GBGT1: variants seen among roughly 807,000 people sequenced by gnomAD.
GBGT1 encodes the protein globoside alpha-1,3-N-acetylgalactosaminyltransferase 1 (FORS blood group), also known as globoside alpha-1,3-N-acetylgalactosaminyltransferase 1.
A neutral mutation model predicts 20.9 loss-of-function variants in GBGT1; 18 were observed. The observed-to-expected ratio is 0.86, with a 90% CI of 0.60 to 1.28. The LOEUF (loss-of-function observed/expected upper bound fraction) is 1.28, where lower values mean the gene tolerates loss of function less well. Ranked by LOEUF, GBGT1 falls within the 50% of genes most tolerant of loss-of-function variation. GBGT1 has a pLI of 0.00. For synonymous variants in GBGT1, 168 were observed against 180.8 expected (o/e 0.93, Z 0.57); for missense variants, 432 against 455.7 (o/e 0.95, Z 0.47).
chr9:133,155,625 G>A (rs560599170), intron 5 of GBGT1, among the ~76,000 whole-genome samples: 25 of 152,200 alleles, frequency 1.6e-4, no homozygotes, highest in Non-Finnish European at 2.8e-4. Flanking sequence ...GTGCAAGCAC[G>A]GTGCAGATGT....
At position 133,154,465 on chromosome 9, in the gene GBGT1, TAG is replaced by T; in HGVS notation, c.360-206_360-205del. ...ACGGCTGTTGTAAGCATGTTCCTGG[TAG>T]AGATTCTTATGCTCCTAGGCCAGGT... On this transcript the variant is annotated intron_variant, in intron 6 of 6. Coordinates refer to ENST00000372040, the MANE Select transcript of GBGT1 (RefSeq NM_021996.6). The surrounding 1 kb of genome is among the most constrained non-coding windows in gnomAD (Gnocchi z 4.2). 2.3e-6 allele frequency: 1 copy of T among 438,932 alleles called. No individual in the cohort carries two copies. Among genetic ancestry groups the T allele is most frequent in the Non-Finnish European group, 4.0e-6 (1 of 248,440 alleles). The allele number at this position is 438,932 out of a possible 1,614,324, so 27.2% of individuals were successfully genotyped here.
At chr9:133,160,709 G>A (rs1258272751) in intron 3 of GBGT1, among the ~76,000 whole-genome samples, 1 of 152,100 alleles carries the variant, frequency 6.6e-6, no homozygotes, top group African/African-American at 2.4e-5. Flanking sequence ...TCCCTGGGTG[G>A]AATAAGATGA....
intron 3 of GBGT1, 151 bp from the exon 4 acceptor site, chr9:133,156,216 C>T: frequency 1.3e-6 from 1 of 783,282 alleles, no homozygotes; most frequent in South Asian, 1.6e-5. Context: ...CCACCCGACT[C>T]TACAGAGGAG....
rs891335117 is a variant in GBGT1, at chr9:133,154,874, G to C, written c.359+304C>G. ...GAAGGCCAGGTGGGGTCATGGGAGA[G>C]ACAAGGGCAGAGGAGGGGTCTAGAT... On this transcript the variant is annotated intron_variant, in intron 6 of 6. Coordinates refer to ENST00000372040, the MANE Select transcript of GBGT1 (RefSeq NM_021996.6). This position sits in a 1 kb window ranked among gnomAD's most constrained non-coding sequence, Gnocchi z 4.2. 9.4e-6 allele frequency: 3 copies of C among 318,432 alleles called. No individual in the cohort carries two copies. The highest frequency in any genetic ancestry group is 4.4e-5 in the Admixed American group (1 of 22,486). The allele number at this position is 318,432 out of a possible 1,614,324, so 19.7% of individuals were successfully genotyped here.
chr9:133,158,733 C>T (rs890516479), intron 3 of GBGT1, among the ~76,000 whole-genome samples: 9 of 152,156 alleles, frequency 5.9e-5, no homozygotes, highest in Admixed American at 4.6e-4. Context: ...AATTCAGTGG[C>T]ATTAGGTACA....
chr9:133,153,533 GCAGGT>G lies in GBGT1; in HGVS notation c.*39_*43del, dbSNP rs1564260662. The G allele has an allele frequency of 7.2e-7, 1 of 1,382,210 alleles. No individual in the cohort carries two copies. Among genetic ancestry groups the G allele is most frequent in the Admixed American group, 2.3e-5 (1 of 44,330 alleles). The allele number at this position is 1,382,210 out of a possible 1,614,324, so 85.6% of individuals were successfully genotyped here. On this transcript the variant is annotated 3_prime_UTR_variant, in exon 7 of 7. Coordinates refer to ENST00000372040, the MANE Select transcript of GBGT1 (RefSeq NM_021996.6). ...GCACGCTAGTGAAGCACTGGTGGCTGCAGGTCTTTGGGTCCCCATCCATGGCAACC... is the reference window on the plus strand; with the variant it reads ...GCACGCTAGTGAAGCACTGGTGGCTGCTTTGGGTCCCCATCCATGGCAACC...
At chr9:133,155,476 C>T in intron 5 of GBGT1, 164 bp from the exon 6 acceptor site, 2 of 762,216 alleles carry the variant, frequency 2.6e-6, no homozygotes, top group Non-Finnish European at 4.2e-6. Flanking sequence ...CACCTCCCAG[C>T]AGGGTTGGGA....
At position 133,152,991 on chromosome 9, in the gene GBGT1, C is replaced by G. The variant is rs951911014; in HGVS notation, c.*586G>C. On this transcript the variant is annotated 3_prime_UTR_variant, in exon 7 of 7. Coordinates refer to ENST00000372040, the MANE Select transcript of GBGT1 (RefSeq NM_021996.6). The stretch of plus-strand genomic sequence containing the variant: ...CCCTTTATTATAAACTGCCCCAAAC[C>G]CTCTTAAGAAGGAGGTGGCTAGTCC... 6.6e-6 allele frequency: 1 copy of G among 152,106 alleles called. No individual in the cohort carries two copies. Among genetic ancestry groups the G allele is most frequent in the Admixed American group, 6.6e-5 (1 of 15,262 alleles). 9.4% of individuals were successfully genotyped at this position (152,106 alleles called of 1,614,324 possible). A position where few individuals can be genotyped will look rare whatever the true frequency, so the allele number is the denominator to read the frequency against.
At chr9:133,156,357 A>C (rs1452527630) in intron 3 of GBGT1, among the ~76,000 whole-genome samples, 1 of 152,088 alleles carries the variant, frequency 6.6e-6, no homozygotes, top group Non-Finnish European at 1.5e-5. Context: ...GTTGTCGGAA[A>C]GAAGATGTGA....
chr9:133,154,051 G>A lies in GBGT1; in HGVS notation c.570C>T (p.His190=), dbSNP rs933703610. 6.2e-7 allele frequency: 1 copy of A among 1,613,722 alleles called. No homozygotes were observed. The highest frequency in any genetic ancestry group is 2.2e-5 in the East Asian group (1 of 44,884). ...SMRRMETISQ[H]IAKRAHREVD... ...CCTCCCGGTGAGCCCTCTTAGCAAT[G>A]TGCTGGCTGATGGTCTCCATCCGGC... is the stretch of plus-strand genomic sequence containing the variant. The change falls in exon 7 of 7, where the codon CAC becomes CAT. Residue 190 remains histidine (H), a synonymous_variant. Coordinates refer to ENST00000372040, the MANE Select transcript of GBGT1 (RefSeq NM_021996.6). The surrounding 1 kb of genome is among the most constrained non-coding windows in gnomAD (Gnocchi z 4.2).
chr9:133,156,191 C>G, intron 3 of GBGT1, 126 bp from the exon 4 acceptor site: 2 of 986,618 alleles, frequency 2.0e-6, no homozygotes, highest in Admixed American at 4.0e-5. Context: ...CTCCCTCTGA[C>G]CTTCCCCCAC....
chr9:133,159,836 GA>G (rs60845732), intron 3 of GBGT1, among the ~76,000 whole-genome samples: 35 of 147,496 alleles, frequency 2.4e-4, no homozygotes, highest in African/African-American at 4.5e-4. Flanking sequence ...AAACTGGAAA[GA>G]AAAAAAAAAG....
intron 3 of GBGT1, among the ~76,000 whole-genome samples, chr9:133,158,347 C>T (rs1280677548): frequency 4.0e-5 from 6 of 151,886 alleles, no homozygotes; most frequent in Admixed American, 6.6e-5. Context: ...GGCACAATCT[C>T]GGCTAACTGC....
rs1055318418 is a variant in GBGT1 at position 133,153,463 on chromosome 9, G to T, written c.*114C>A. On this transcript the variant is annotated 3_prime_UTR_variant, in exon 7 of 7. Coordinates refer to ENST00000372040, the MANE Select transcript of GBGT1 (RefSeq NM_021996.6). ...AGTGGCCTTTCCACGTCCCTTTTCC[G>T]GTTGAATTCGCCTGACTGACAGGGA... is the stretch of plus-strand genomic sequence containing the variant. The T allele has an allele frequency of 5.4e-5, 39 of 727,774 alleles. No individual in the cohort carries two copies. The South Asian group carries it at 6.9e-4, about 13-fold the overall frequency. 45.1% of individuals were successfully genotyped at this position (727,774 alleles called of 1,614,324 possible). A position where few individuals can be genotyped will look rare whatever the true frequency, so the allele number is the denominator to read the frequency against.
At position 133,153,887 on chromosome 9, in the gene GBGT1, C is replaced by T. The variant is rs376026740; in HGVS notation, c.734G>A (p.Arg245His). The T allele has an allele frequency of 6.9e-6, 11 of 1,605,208 alleles. No homozygotes were observed. Among genetic ancestry groups the T allele is most frequent in the East Asian group, 4.5e-5 (2 of 44,672 alleles). The change falls in exon 7 of 7, where the codon CGT becomes CAT. Residue 245 changes from arginine (R) to histidine (H), a missense_variant. Coordinates refer to ENST00000372040, the MANE Select transcript of GBGT1 (RefSeq NM_021996.6). ...GTCTGCCACAAAGGCAGTGGAAACACGCCTGCGCTCATAGGGGAACTGCTG... is the reference window on the plus strand; with the variant it reads ...GTCTGCCACAAAGGCAGTGGAAACATGCCTGCGCTCATAGGGGAACTGCTG... ...PRQQFPYERR[R>H]VSTAFVADSE...
rs547452830 is a variant in GBGT1 at position 133,158,218 on chromosome 9, C to T, written c.138-2153G>A. Among the ~76,000 whole-genome samples, 13 of 152,314 alleles carry T rather than the reference C, an allele frequency of 8.5e-5. No individual in the cohort carries two copies. In the South Asian group the frequency reaches 2.5e-3, roughly 29 times the overall value. On this transcript the variant is annotated intron_variant, in intron 3 of 6. Coordinates refer to ENST00000372040, the MANE Select transcript of GBGT1 (RefSeq NM_021996.6). ...GGCCGACTGTCCCCAGGCAGAAGCT[C>T]ATAAGGATCCCACCCACTGATGACA... is the stretch of plus-strand genomic sequence containing the variant.
At chr9:133,159,414 C>G (rs1832967852) in intron 3 of GBGT1, among the ~76,000 whole-genome samples, 1 of 152,210 alleles carries the variant, frequency 6.6e-6, no homozygotes, top group South Asian at 2.1e-4. Flanking sequence ...TACCAAACAG[C>G]CCAGCATTCT....
rs548646335 is a variant in GBGT1, at chr9:133,155,805, C to A, written c.224+96G>T. 3.7e-6 allele frequency: 5 copies of A among 1,341,428 alleles called. No homozygotes were observed. The African/African-American group carries it at 7.2e-5, about 19-fold the overall frequency. The allele number at this position is 1,341,428 out of a possible 1,614,324, so 83.1% of individuals were successfully genotyped here. A position where few individuals can be genotyped will look rare whatever the true frequency, so the allele number is the denominator to read the frequency against. ...GTCCCTAACTCTCTGGGCCCCAAGG[C>A]CACCCTGATGTTAGCACCTCCACTA... On this transcript the variant is annotated intron_variant, in intron 5 of 6. Transcript: ENST00000372040.
rs1832766144 is a variant in GBGT1, at chr9:133,153,431, A to G, written c.*146T>C. ...TGCTACTGTGTGCACAGCCCTCTGCAGTTCACAGTGGCCTTTCCACGTCCC... is the reference window on the plus strand; with the variant it reads ...TGCTACTGTGTGCACAGCCCTCTGCGGTTCACAGTGGCCTTTCCACGTCCC... On this transcript the variant is annotated 3_prime_UTR_variant, in exon 7 of 7. Coordinates refer to ENST00000372040, the MANE Select transcript of GBGT1 (RefSeq NM_021996.6). The G allele has an allele frequency of 1.7e-6, 1 of 590,294 alleles. No homozygotes were observed. Among genetic ancestry groups the G allele is most frequent in the African/African-American group, 1.9e-5 (1 of 53,562 alleles). The allele number at this position is 590,294 out of a possible 1,614,324, so 36.6% of individuals were successfully genotyped here.
Sources: allele counts gnomAD v4.1 joint callset (sites outside exome capture counted in the v4.1 genomes callset), GRCh38; gene constraint gnomAD v4.1.1; non-coding constraint Gnocchi (gnomAD v3.1); transcripts MANE v1.5; gene names NCBI Gene and HGNC (gene_info 2026-07-23, HGNC 2026-07-21).